SPECC1: variants seen among roughly 807,000 people sequenced by gnomAD.
The protein encoded by SPECC1 is sperm antigen with calponin homology and coiled-coil domains 1, also known as cytospin-B.
SPECC1 carries 62 observed loss-of-function variants against 104.1 expected under a neutral mutation model. The observed-to-expected ratio is 0.60, with a 90% confidence interval of 0.49 to 0.74. The LOEUF is 0.74. Ranked by LOEUF, SPECC1 falls within the 30% of genes least tolerant of loss-of-function variation. The pLI is 0.00. For missense variants in SPECC1, 1,306 were observed against 1,310.5 expected (o/e 1.00, Z 0.05); for synonymous variants, 513 against 501.6 (o/e 1.02, Z -0.30).
intron 2 of SPECC1, among the ~76,000 whole-genome samples, chr17:20,104,141 T>C (rs1251185685): frequency 6.6e-6 from 1 of 152,146 alleles, no homozygotes; most frequent in Non-Finnish European, 1.5e-5. Flanking sequence ...TATTTGACAT[T>C]TACCCTGGGC....
chr17:20,224,760 G>A (rs990946502), intron 4 of SPECC1, among the ~76,000 whole-genome samples: 9 of 152,100 alleles, frequency 5.9e-5, no homozygotes, highest in African/African-American at 1.9e-4. Flanking sequence ...CCTAGATGGG[G>A]GACTTTAGGA....
chr17:20,257,878 G>A (rs1203706827), intron 11 of SPECC1, among the ~76,000 whole-genome samples: 2 of 152,208 alleles, frequency 1.3e-5, no homozygotes, highest in Admixed American at 1.3e-4. Flanking sequence ...GAGAGAAGTG[G>A]TGTTTCTGCC....
chr17:20,140,203 T>C (rs1567872157), intron 3 of SPECC1, among the ~76,000 whole-genome samples: 1 of 152,240 alleles, frequency 6.6e-6, no homozygotes, highest in Non-Finnish European at 1.5e-5. Flanking sequence ...CCAAAACATA[T>C]AACTGCACAT....
chr17:20,074,334 A>G (rs1017565761), intron 1 of SPECC1, among the ~76,000 whole-genome samples: 3 of 152,188 alleles, frequency 2.0e-5, no homozygotes, highest in Admixed American at 6.5e-5. Context: ...GCAGAGTTTC[A>G]AGCAATAATA....
At chr17:20,290,726 AGGCTGG>A (rs1477489734) in intron 12 of SPECC1, among the ~76,000 whole-genome samples, 1 of 152,128 alleles carries the variant, frequency 6.6e-6, no homozygotes, top group Non-Finnish European at 1.5e-5. Context: ...CATGTTGCCC[AGGCTGG>A]TCTCGAACTC....
rs547675686 is a variant in SPECC1, at chr17:20,170,930, T to A, written c.284-33403T>A. On this transcript the variant is annotated intron_variant, in intron 3 of 14. Coordinates refer to ENST00000395527, the MANE Select transcript of SPECC1 (RefSeq NM_001243439.2). ...TTTTATCTGCCAGAGAATTCATCTC[T>A]TTCTCTAATTGGTCCTGCTTTTCTC... 1.4e-4 allele frequency among the ~76,000 whole-genome samples: 21 copies of A among 152,338 alleles called. No individual in the cohort carries two copies. In the South Asian group the frequency reaches 4.4e-3, roughly 32 times the overall value.
chr17:20,073,141 C>T (rs1301987111), intron 1 of SPECC1, among the ~76,000 whole-genome samples: 3 of 152,074 alleles, frequency 2.0e-5, no homozygotes, highest in Non-Finnish European at 4.4e-5. Context: ...CCTTTGAGAT[C>T]CCTTTAGTTG....
At chr17:20,033,990 G>A (rs1052520966) in intron 1 of SPECC1, among the ~76,000 whole-genome samples, 1 of 152,092 alleles carries the variant, frequency 6.6e-6, no homozygotes, top group African/African-American at 2.4e-5. Flanking sequence ...ATTGTTAGCT[G>A]GTTGCTCTAT....
At chr17:20,113,678 T>G (rs1286605685) in intron 3 of SPECC1, among the ~76,000 whole-genome samples, 1 of 152,190 alleles carries the variant, frequency 6.6e-6, no homozygotes, top group Non-Finnish European at 1.5e-5. Flanking sequence ...AAAGGTACAG[T>G]GGAACTCCGG....
intron 5 of SPECC1, among the ~76,000 whole-genome samples, chr17:20,230,490 G>GAAAAGTC: frequency 8.0e-6 from 1 of 125,224 alleles, no homozygotes; most frequent in Non-Finnish European, 1.6e-5. Flanking sequence ...TGATTGAGAA[G>GAAAAGTC]AAAAGTCAAG....
intron 1 of SPECC1, among the ~76,000 whole-genome samples, chr17:20,044,187 A>G (rs940729693): frequency 4.6e-5 from 7 of 152,100 alleles, no homozygotes; most frequent in African/African-American, 1.7e-4. Flanking sequence ...GGCCCTGGGC[A>G]GATTATTCAG....
At chr17:20,143,774 G>C (rs763637608) in intron 3 of SPECC1, among the ~76,000 whole-genome samples, 2 of 152,192 alleles carry the variant, frequency 1.3e-5, no homozygotes, top group Non-Finnish European at 2.9e-5. Flanking sequence ...TTCAGAGTAG[G>C]GGGAATCCAT....
chr17:20,231,782 A>T lies in SPECC1; in HGVS notation c.2096A>T (p.Gln699Leu). Residue 699 changes from glutamine to leucine, a missense_variant, in exon 6 of 15, where the codon CAG (glutamine) becomes CTG (leucine). By Grantham distance (113) the Gln-to-Leu change is moderately radical (BLOSUM62 -2). Coordinates refer to ENST00000395527, the MANE Select transcript of SPECC1 (RefSeq NM_001243439.2). ...GGTAGTGTGATCAAGCTGGAGGAAC[A>T]GAAGTCAGACCTGGAGAGGCAGCTG... The part of the protein sequence containing the change: ...LESSVIKLEE[Q>L]KSDLERQLKT... 1 of 1,614,130 alleles carries T rather than the reference A, an allele frequency of 6.2e-7. No homozygotes were observed. Among genetic ancestry groups the T allele is most frequent in the Non-Finnish European group, 8.5e-7 (1 of 1,180,016 alleles).
chr17:20,291,634 T>G (rs2041168101), intron 12 of SPECC1, among the ~76,000 whole-genome samples: 1 of 152,072 alleles, frequency 6.6e-6, no homozygotes, highest in Admixed American at 6.5e-5. Flanking sequence ...AAGCTCCGCA[T>G]CCTGGGCTCA....
intron 3 of SPECC1, among the ~76,000 whole-genome samples, chr17:20,200,038 G>A (rs908485079): frequency 9.9e-5 from 15 of 152,130 alleles, no homozygotes; most frequent in Non-Finnish European, 1.5e-4. Flanking sequence ...TGATCCACCC[G>A]CCTTGACCTC....
At chr17:20,184,978 A>G (rs1275008309) in intron 3 of SPECC1, 4 of 152,242 alleles carry the variant, frequency 2.6e-5, no homozygotes, top group African/African-American at 7.2e-5. Context: ...AGAGTTTTGT[A>G]TTTAACAGCG....
At chr17:20,081,977 A>G (rs1378491635) in intron 1 of SPECC1, among the ~76,000 whole-genome samples, 1 of 152,084 alleles carries the variant, frequency 6.6e-6, no homozygotes, top group East Asian at 1.9e-4. Flanking sequence ...TCCTTCCATC[A>G]CAGATGATAC....
chr17:20,091,828 C>T (rs771243989), intron 1 of SPECC1, among the ~76,000 whole-genome samples: 3 of 152,224 alleles, frequency 2.0e-5, no homozygotes, highest in South Asian at 2.1e-4. Context: ...CCTGGAGACT[C>T]GTCATTATTT....
chr17:20,257,622 A>G lies in SPECC1; in HGVS notation c.2837+15A>G. 1 of 1,610,064 alleles carries G rather than the reference A, an allele frequency of 6.2e-7. No individual in the cohort carries two copies. The highest frequency in any genetic ancestry group is 8.5e-7 in the Non-Finnish European group (1 of 1,179,070). On this transcript the variant is annotated intron_variant, in intron 11 of 14. Transcript: ENST00000395527. ...AGCAAACTCAGGTATCGTGTTTCAA[A>G]CAATAAGAAATCAGAAAAACATCGG...
Sources: allele counts gnomAD v4.1 joint callset (sites outside exome capture counted in the v4.1 genomes callset), GRCh38; gene constraint gnomAD v4.1.1; transcripts MANE v1.5; gene names NCBI Gene and HGNC (gene_info 2026-07-23, HGNC 2026-07-21).